Variants in RIOX2 observed in about 807,000 individuals in gnomAD.
RIOX2 encodes the protein 60S ribosomal protein L27a histidine hydroxylase.
RIOX2 carries 43 observed loss-of-function variants against 51.2 expected under a neutral mutation model. The ratio of observed to expected loss-of-function variants is 0.84; its 90% CI spans 0.66 to 1.08. RIOX2 has a LOEUF of 1.08. RIOX2 is among the 50% of genes least tolerant of loss of function. RIOX2 has a pLI of 0.00. For synonymous variants in RIOX2, 226 were observed against 218.5 expected (o/e 1.03, Z -0.30); for missense variants, 566 against 561.7 (o/e 1.01, Z -0.08).
chr3:97,967,028 A>C, intron 2 of RIOX2, 134 bp downstream of exon 2: 3 of 906,792 alleles, frequency 3.3e-6, no homozygotes, highest in Non-Finnish European at 5.1e-6. Flanking sequence ...ATTTAGACCA[A>C]AGAGGTGCTA....
chr3:97,960,879 T>C (rs1175309374), intron 3 of RIOX2, among the ~76,000 whole-genome samples: 1 of 152,152 alleles, frequency 6.6e-6, no homozygotes, highest in East Asian at 1.9e-4. Flanking sequence ...ATAGGAAAAC[T>C]TCGAGTTTTT....
intron 2 of RIOX2, among the ~76,000 whole-genome samples, chr3:97,962,704 C>A (rs1705731176): frequency 6.6e-6 from 1 of 152,126 alleles, no homozygotes; most frequent in Non-Finnish European, 1.5e-5. Flanking sequence ...TCCTATGTGC[C>A]AGGCACTGTC....
At chr3:97,970,236 C>T (rs1456486295) in intron 1 of RIOX2, among the ~76,000 whole-genome samples, 1 of 152,198 alleles carries the variant, frequency 6.6e-6, no homozygotes, top group Non-Finnish European at 1.5e-5. Flanking sequence ...CACTAACAAA[C>T]CCCAATACTG....
At chr3:97,962,401 A>T (rs1705719964) in intron 2 of RIOX2, among the ~76,000 whole-genome samples, 1 of 122,154 alleles carries the variant, frequency 8.2e-6, no homozygotes, top group Non-Finnish European at 1.6e-5. Flanking sequence ...AGTCGGTCTG[A>T]AGTTCTGGCA....
intron 5 of RIOX2, 61 bp downstream of exon 5, chr3:97,954,331 G>A: frequency 2.4e-6 from 3 of 1,235,888 alleles, no homozygotes; most frequent in Non-Finnish European, 3.6e-6. Flanking sequence ...TCCTGAATGT[G>A]GCTGCTGCAG....
intron 2 of RIOX2, among the ~76,000 whole-genome samples, chr3:97,962,900 T>G (rs140852988): frequency 1.1e-3 from 169 of 152,256 alleles, no homozygotes; most frequent in African/African-American, 4.0e-3. Context: ...TTTCAGAGAA[T>G]TTAAGAAAAG....
chr3:97,954,028 A>G (rs78409927), intron 5 of RIOX2: 8 of 180,384 alleles, frequency 4.4e-5, no homozygotes, highest in Non-Finnish European at 9.5e-5. Context: ...TTAAAATGGT[A>G]TATTTTATGT....
At position 97,950,834 on chromosome 3, in the gene RIOX2, T is replaced by C. The variant is rs1345246967; in HGVS notation, c.840A>G (p.Ala280=). 10 of 1,613,776 alleles carry C rather than the reference T, an allele frequency of 6.2e-6. No individual in the cohort carries two copies. The highest frequency in any genetic ancestry group is 8.5e-6 in the Non-Finnish European group (10 of 1,179,828). ...DTISGLVFDT[A]KEDVELRTGI... is the part of the protein sequence containing the mutation. ...CGGTCCGTAACTCCACGTCTTCCTT[T>C]GCAGTATCAAATACAAGCCCCGAGA... Residue 280 remains alanine (A), a synonymous_variant, in exon 6 of 10, where the codon GCA becomes GCG. Coordinates refer to ENST00000394198, the MANE Select transcript of RIOX2 (RefSeq NM_153182.4).
rs766020804 is a variant in RIOX2 at position 97,942,318 on chromosome 3, G to A, written c.*2866C>T. 16 of 1,610,736 alleles carry A rather than the reference G, an allele frequency of 9.9e-6. No homozygotes were observed. Among genetic ancestry groups the A allele is most frequent in the East Asian group, 2.2e-5 (1 of 44,804 alleles). ...ACATGTCTTGATGTGATTGGTGGCC[G>A]GGACACACCTGGAGCTAAAGTAGCT... On this transcript the variant is annotated 3_prime_UTR_variant, in exon 10 of 10. Coordinates refer to ENST00000394198, the MANE Select transcript of RIOX2 (RefSeq NM_153182.4).
At chr3:97,952,084 C>T (rs1288391224) in intron 5 of RIOX2, 4 of 931,224 alleles carry the variant, frequency 4.3e-6, no homozygotes, top group Non-Finnish European at 6.0e-6. Flanking sequence ...CAACAACATA[C>T]AGCAGACCCC....
chr3:97,958,552 A>C lies in RIOX2; in HGVS notation c.681+499T>G, dbSNP rs140200766. On this transcript the variant is annotated intron_variant, in intron 4 of 9. Coordinates refer to ENST00000394198, the MANE Select transcript of RIOX2 (RefSeq NM_153182.4). ...CCTGATTACTACTGTTCTGGTAACT[A>C]TGCAGGGGGCACAGAGATAGCCTGA... is the stretch of plus-strand genomic sequence containing the variant. Among the ~76,000 whole-genome samples the C allele has an allele frequency of 1.1e-3, 160 of 152,350 alleles. 1 individual carries two copies. The highest frequency in any genetic ancestry group is 3.6e-3 in the African/African-American group (148 of 41,572).
At chr3:97,960,727 C>T (rs1705645909) in intron 3 of RIOX2, among the ~76,000 whole-genome samples, 1 of 152,164 alleles carries the variant, frequency 6.6e-6, no homozygotes, top group African/African-American at 2.4e-5. Flanking sequence ...TTCTTAGAGC[C>T]TCGCTGAGTT....
rs540932383 is a variant in RIOX2, at chr3:97,941,867, C to T, written c.*3317G>A. 1.3e-5 allele frequency: 2 copies of T among 154,284 alleles called. No individual in the cohort carries two copies. Among genetic ancestry groups the T allele is most frequent in the African/African-American group, 4.8e-5 (2 of 41,466 alleles). The allele number at this position is 154,284 out of a possible 1,614,324, so 9.6% of individuals were successfully genotyped here. A position where few individuals can be genotyped will look rare whatever the true frequency, so the allele number is the denominator to read the frequency against. On this transcript the variant is annotated 3_prime_UTR_variant, in exon 10 of 10. Transcript: ENST00000394198. Reference sequence around the variant, plus strand: ...ATCACCAATGGATTATCTACTTTTTCTCATGCTTCAAAAATGAAAAACTTT... The same window carrying T: ...ATCACCAATGGATTATCTACTTTTTTTCATGCTTCAAAAATGAAAAACTTT...
At chr3:97,955,964 T>G (rs1705435623) in intron 4 of RIOX2, among the ~76,000 whole-genome samples, 1 of 152,050 alleles carries the variant, frequency 6.6e-6, no homozygotes, top group Admixed American at 6.6e-5. Context: ...TAAACAATAA[T>G]AAATGGTACA....
At chr3:97,958,022 C>A (rs369204801) in intron 4 of RIOX2, among the ~76,000 whole-genome samples, 1 of 152,070 alleles carries the variant, frequency 6.6e-6, no homozygotes, top group South Asian at 2.1e-4. Context: ...AGTTTGATGA[C>A]CACTGACTAA....
intron 5 of RIOX2, among the ~76,000 whole-genome samples, chr3:97,952,565 G>C (rs571054536): frequency 1.9e-4 from 29 of 152,300 alleles, no homozygotes; most frequent in Middle Eastern, 3.4e-3. Context: ...GAAAACACCA[G>C]TCACTAGAAA....
intron 1 of RIOX2, among the ~76,000 whole-genome samples, chr3:97,970,157 G>A (rs1355847528): frequency 6.6e-6 from 1 of 152,146 alleles, no homozygotes; most frequent in Non-Finnish European, 1.5e-5. Flanking sequence ...AGAAAGTGTG[G>A]CTAATCAAAG....
intron 2 of RIOX2, among the ~76,000 whole-genome samples, chr3:97,964,182 C>T (rs916852088): frequency 6.6e-6 from 1 of 152,068 alleles, no homozygotes; most frequent in Non-Finnish European, 1.5e-5. Flanking sequence ...CTGACCTACC[C>T]GTCAGAATCA....
chr3:97,972,099 G>A (rs12629144), intron 1 of RIOX2: 2 of 152,078 alleles, frequency 1.3e-5, no homozygotes, highest in African/African-American at 4.8e-5. Context: ...GCGACCATTA[G>A]CAGGCCACGT....
Sources: allele counts gnomAD v4.1 joint callset (sites outside exome capture counted in the v4.1 genomes callset), GRCh38; gene constraint gnomAD v4.1.1; transcripts MANE v1.5; gene names NCBI Gene and HGNC (gene_info 2026-07-23, HGNC 2026-07-21).